HYCC2: variants seen among roughly 807,000 people sequenced by gnomAD.
HYCC2 encodes the protein hyccin 2.
the HYCC2 span, among the ~76,000 whole-genome samples, chr2:201,035,835 C>T: frequency 7.9e-5 from 12 of 152,154 alleles, no homozygotes; most frequent in African/African-American, 2.7e-4. Context: ...GGACCCTCAG[C>T]TGCAGGTCTG....
the HYCC2 span, among the ~76,000 whole-genome samples, chr2:201,026,442 C>T: frequency 6.6e-6 from 1 of 152,174 alleles, no homozygotes; most frequent in Non-Finnish European, 1.5e-5. Flanking sequence ...AGGAATTGAA[C>T]TCAGCTCTGC....
the HYCC2 span, chr2:201,063,225 T>G: frequency 3.1e-6 from 5 of 1,602,728 alleles, no homozygotes; most frequent in Middle Eastern, 4.5e-4. Flanking sequence ...TGTGTGGTAA[T>G]GAGAGATCCA....
the HYCC2 span, among the ~76,000 whole-genome samples, chr2:201,033,435 CCTCT>C: frequency 6.6e-6 from 1 of 150,414 alleles, no homozygotes; most frequent in South Asian, 2.1e-4. Flanking sequence ...ACGGAGTCTC[CCTCT>C]ATCGCCCAGA....
At chr2:201,055,648 C>T in the HYCC2 span, among the ~76,000 whole-genome samples, 1 of 152,096 alleles carries the variant, frequency 6.6e-6, no homozygotes, top group Non-Finnish European at 1.5e-5. Flanking sequence ...CATTGAGCTA[C>T]AATCATGCCA....
At chr2:200,987,060 A>C in the HYCC2 span, among the ~76,000 whole-genome samples, 1 of 152,194 alleles carries the variant, frequency 6.6e-6, no homozygotes, top group South Asian at 2.1e-4. Flanking sequence ...CTCAGTAATA[A>C]AAAAATTCCA....
At chr2:201,051,626 T>C in the HYCC2 span, among the ~76,000 whole-genome samples, 2 of 152,094 alleles carry the variant, frequency 1.3e-5, no homozygotes, top group African/African-American at 4.8e-5. Context: ...AAAAGATGTA[T>C]AAGACCTCTA....
At chr2:201,056,674 C>CAA in the HYCC2 span, among the ~76,000 whole-genome samples, 73 of 68,898 alleles carry the variant, frequency 1.1e-3, no homozygotes, top group East Asian at 0.025. Context: ...AACTCCATCT[C>CAA]AAAAAAAAAA....
the HYCC2 span, among the ~76,000 whole-genome samples, chr2:201,031,420 G>T: frequency 6.6e-6 from 1 of 152,178 alleles, no homozygotes; most frequent in African/African-American, 2.4e-5. Flanking sequence ...GGGAGGCCGA[G>T]TCAGGTGGAT....
the HYCC2 span, among the ~76,000 whole-genome samples, chr2:201,053,717 C>A: frequency 6.6e-6 from 1 of 152,176 alleles, no homozygotes; most frequent in Non-Finnish European, 1.5e-5. Context: ...GTAATCCCAG[C>A]ACTTTGGGAG....
At chr2:201,058,725 G>C in the HYCC2 span, among the ~76,000 whole-genome samples, 1 of 152,112 alleles carries the variant, frequency 6.6e-6, no homozygotes, top group Non-Finnish European at 1.5e-5. Flanking sequence ...AGAAATCACA[G>C]AAATTTTCAT....
the HYCC2 span, among the ~76,000 whole-genome samples, chr2:200,985,005 G>T: frequency 6.6e-6 from 1 of 152,146 alleles, no homozygotes; most frequent in East Asian, 1.9e-4. Flanking sequence ...TAGCTACTGA[G>T]AAGGCTGAGG....
chr2:201,034,209 T>A, the HYCC2 span, among the ~76,000 whole-genome samples: 1 of 152,184 alleles, frequency 6.6e-6, no homozygotes, highest in Non-Finnish European at 1.5e-5. Context: ...AAGACAGTAA[T>A]TTATTAAGTA....
At chr2:201,061,034 TA>T in the HYCC2 span, among the ~76,000 whole-genome samples, 1 of 150,894 alleles carries the variant, frequency 6.6e-6, no homozygotes, top group African/African-American at 2.4e-5. Flanking sequence ...AAAGCCAAAT[TA>T]CATGAAAATA....
chr2:201,010,829 T>C, the HYCC2 span, among the ~76,000 whole-genome samples: 1 of 151,742 alleles, frequency 6.6e-6, no homozygotes, highest in Non-Finnish European at 1.5e-5. Context: ...TTTTAAAAAT[T>C]CATAAAAGAC....
the HYCC2 span, among the ~76,000 whole-genome samples, chr2:200,998,508 C>A: frequency 1.3e-5 from 2 of 152,128 alleles, no homozygotes; most frequent in African/African-American, 4.8e-5. Flanking sequence ...TCTCTTTCAC[C>A]CGTTTAGTAA....
chr2:200,986,764 G>A, the HYCC2 span, among the ~76,000 whole-genome samples: 1 of 152,144 alleles, frequency 6.6e-6, no homozygotes, highest in East Asian at 1.9e-4. Flanking sequence ...GAAGGTATCA[G>A]TAGTTTACTA....
chr2:201,049,413 G>T, the HYCC2 span, among the ~76,000 whole-genome samples: 8 of 151,804 alleles, frequency 5.3e-5, no homozygotes, highest in South Asian at 1.5e-3. Context: ...GCACTGGCGC[G>T]ATCTTGGCTC....
At chr2:200,986,770 T>G in the HYCC2 span, among the ~76,000 whole-genome samples, 3 of 152,206 alleles carry the variant, frequency 2.0e-5, no homozygotes, top group African/African-American at 7.2e-5. Flanking sequence ...ATCAGTAGTT[T>G]ACTAGTTAGG....
chr2:200,988,150 A>G, the HYCC2 span: 2 of 841,312 alleles, frequency 2.4e-6, no homozygotes, highest in African/African-American at 3.5e-5. Context: ...TTTAACAAAA[A>G]AAATTACTTT....
Sources: gnomAD v4.1 joint callset for allele counts (sites outside exome capture counted in the v4.1 genomes callset) on GRCh38, gnomAD v4.1.1 for gene constraint, MANE v1.5 for transcripts, NCBI Gene and HGNC (gene_info 2026-07-23, HGNC 2026-07-21) for gene names.